GPATCH8: variants seen among roughly 807,000 people sequenced by gnomAD.
GPATCH8 encodes the protein G-patch domain containing 8.
A neutral mutation model predicts 118.3 loss-of-function variants in GPATCH8; 18 were observed. The ratio of observed to expected loss-of-function variants is 0.15; its 90% CI spans 0.11 to 0.23. GPATCH8 has a LOEUF of 0.23. GPATCH8 is among the 10% of genes least tolerant of loss of function. GPATCH8 has a pLI of 1.00. For missense variants in GPATCH8, 1,631 were observed against 1,873.8 expected (o/e 0.87, Z 2.39); for synonymous variants, 659 against 684.7 (o/e 0.96, Z 0.59).
intron 7 of GPATCH8, among the ~76,000 whole-genome samples, chr17:44,402,064 G>A (rs1462775822): frequency 2.0e-5 from 3 of 150,824 alleles, no homozygotes; most frequent in South Asian, 2.1e-4. Flanking sequence ...GCTCACGCCT[G>A]TAATCCCAGC....
chr17:44,435,990 T>C (rs946187875), intron 4 of GPATCH8, among the ~76,000 whole-genome samples: 21 of 136,252 alleles, frequency 1.5e-4, no homozygotes, highest in African/African-American at 4.8e-4. Flanking sequence ...GACTGCGCCA[T>C]TGCACTCTAG....
At position 44,448,554 on chromosome 17, in the gene GPATCH8, A is replaced by G. The variant is rs2050986857; in HGVS notation, c.194-12009T>C. On this transcript the variant is annotated intron_variant, in intron 3 of 7. Transcript: ENST00000591680. ...AAGAAGAAGGAAGAAGAAGAGGAAGAGGAAGAAGAAGAGGAAGAGGAAGAA... is the reference window on the plus strand; with the variant it reads ...AAGAAGAAGGAAGAAGAAGAGGAAGGGGAAGAAGAAGAGGAAGAGGAAGAA... 1.9e-5 allele frequency among the ~76,000 whole-genome samples: 2 copies of G among 103,896 alleles called. 1 individual carries two copies. The highest frequency in any genetic ancestry group is 1.9e-4 in the Admixed American group (2 of 10,300). The allele number at this position is 103,896 out of a possible 152,430, so 68.2% of individuals were successfully genotyped here.
rs774057588 is a variant in GPATCH8, at chr17:44,398,368, G to A, written c.3709C>T (p.Pro1237Ser). 2.5e-6 allele frequency: 4 copies of A among 1,613,926 alleles called. No homozygotes were observed. In the African/African-American group the frequency reaches 5.3e-5, roughly 22 times the overall value. ...GGGAGGTAGTTATGGGAGATGGTTG[G>A]GTCCCCAGGGTAGCAGTCAGAATGT... is the stretch of plus-strand genomic sequence containing the variant. Reference protein sequence around the residue: ...PAHSDCYPGDPTISHNYLPDP... With the variant: ...PAHSDCYPGDSTISHNYLPDP... Residue 1237 changes from proline (P) to serine (S), a missense_variant, in exon 8 of 8, where the codon CCA becomes TCA. This residue lies in a region of GPATCH8 where 922 missense variants were observed against 879.7 expected (regional missense o/e 1.05). Coordinates refer to ENST00000591680, the MANE Select transcript of GPATCH8 (RefSeq NM_001002909.4).
rs1481030339 is a variant in GPATCH8 at position 44,398,953 on chromosome 17, C to T, written c.3124G>A (p.Gly1042Ser). ...TTCTTCCCAGGACCTTCTCCCCGGC[C>T]TGATCGGAAATAGTGGGGGGACTGG... ...RSQSPHYFRS[G>S]RGEGPGKKDD... Residue 1042 changes from glycine (G) to serine (S), a missense_variant, in exon 8 of 8, where the codon GGC becomes AGC. Physicochemically the swap from Gly to Ser is moderately conservative, Grantham distance 56. This residue lies in a region of GPATCH8 where 922 missense variants were observed against 879.7 expected (regional missense o/e 1.05). Coordinates refer to ENST00000591680, the MANE Select transcript of GPATCH8 (RefSeq NM_001002909.4). 1 of 1,614,188 alleles carries T rather than the reference C, an allele frequency of 6.2e-7. No individual in the cohort carries two copies. Among genetic ancestry groups the T allele is most frequent in the Non-Finnish European group, 8.5e-7 (1 of 1,180,040 alleles).
intron 1 of GPATCH8, among the ~76,000 whole-genome samples, chr17:44,488,066 G>T (rs1968928782): frequency 1.3e-5 from 2 of 149,838 alleles, no homozygotes; most frequent in Admixed American, 6.7e-5. Flanking sequence ...GGGACTACAG[G>T]AGTGCGCCAC....
intron 5 of GPATCH8, among the ~76,000 whole-genome samples, chr17:44,425,463 T>G (rs1233160517): frequency 6.6e-6 from 1 of 152,220 alleles, no homozygotes; most frequent in Non-Finnish European, 1.5e-5. Flanking sequence ...AGTGAGTATG[T>G]GTAGCACATT....
intron 6 of GPATCH8, among the ~76,000 whole-genome samples, chr17:44,419,912 T>G (rs1211065161): frequency 6.6e-6 from 1 of 152,338 alleles, no homozygotes; most frequent in Middle Eastern, 3.4e-3. Context: ...TTTATAACAT[T>G]CTGTTTTGAG....
chr17:44,503,401 C>G lies in GPATCH8; in HGVS notation c.-31G>C, dbSNP rs1172191393. The stretch of plus-strand genomic sequence containing the variant: ...CGCCTTCACTCCTCTCAGGACGACG[C>G]TCTCCGGTTCGCTCCTTCCCTCCTG... On this transcript the variant is annotated 5_prime_UTR_variant, in exon 1 of 8. Transcript: ENST00000591680. The G allele has an allele frequency of 2.5e-6, 4 of 1,583,358 alleles. No homozygotes were observed. Among genetic ancestry groups the G allele is most frequent in the East Asian group, 2.3e-5 (1 of 43,670 alleles).
intron 3 of GPATCH8, among the ~76,000 whole-genome samples, chr17:44,440,536 G>C (rs566390025): frequency 1.3e-5 from 2 of 152,120 alleles, no homozygotes; most frequent in Non-Finnish European, 2.9e-5. Flanking sequence ...GCCTCCCAAA[G>C]CTCTGGGATT....
intron 3 of GPATCH8, among the ~76,000 whole-genome samples, chr17:44,458,090 A>G (rs79604210): frequency 1.4e-5 from 2 of 144,478 alleles, no homozygotes; most frequent in Admixed American, 1.4e-4. Flanking sequence ...CTCCATTTCA[A>G]AAAAAAAAAA....
intron 5 of GPATCH8, among the ~76,000 whole-genome samples, chr17:44,428,776 G>C (rs950209286): frequency 1.3e-5 from 2 of 152,016 alleles, no homozygotes; most frequent in Admixed American, 6.6e-5. Flanking sequence ...CGCACTTCTA[G>C]GTGACAGAGT....
chr17:44,464,718 AG>A (rs1379858114), intron 2 of GPATCH8, 174 bp from the exon 3 acceptor site: 1 of 618,118 alleles, frequency 1.6e-6, no homozygotes, highest in East Asian at 2.8e-5. Flanking sequence ...TAAAAAGAAA[AG>A]CTGGCTAGTA....
intron 5 of GPATCH8, among the ~76,000 whole-genome samples, chr17:44,426,288 T>C (rs1454458603): frequency 6.6e-6 from 1 of 152,194 alleles, no homozygotes; most frequent in Admixed American, 6.5e-5. Context: ...CAAAAAGTTC[T>C]GCCCAATTGC....
At chr17:44,448,952 T>A (rs2051009331) in intron 3 of GPATCH8, among the ~76,000 whole-genome samples, 1 of 152,176 alleles carries the variant, frequency 6.6e-6, no homozygotes, top group Non-Finnish European at 1.5e-5. Flanking sequence ...TCTATTTGCA[T>A]TAAAAAATGG....
In GPATCH8 at chr17:44,400,395, G is replaced by T; in HGVS notation, c.1682C>A (p.Ala561Glu). The T allele has an allele frequency of 2.5e-6, 4 of 1,613,666 alleles. No individual in the cohort carries two copies. Among genetic ancestry groups the T allele is most frequent in the Non-Finnish European group, 2.5e-6 (3 of 1,179,572 alleles). Residue 561 changes from alanine to glutamate, a missense_variant, in exon 8 of 8, where the codon GCA becomes GAA. Around this residue, in one of 8 missense-constraint regions of GPATCH8, gnomAD observed 405 missense variants for 462.7 expected, o/e 0.88. Transcript: ENST00000591680. The part of the protein sequence containing the change: ...WPSELLIFTK[A>E]EPSISYSCNP... Reference sequence around the variant, plus strand: ...ACAACTGTATGAAATGGAGGGTTCTGCCTTGGTGAAAATTAATAGTTCTGA... The same window carrying T: ...ACAACTGTATGAAATGGAGGGTTCTTCCTTGGTGAAAATTAATAGTTCTGA...
intron 1 of GPATCH8, among the ~76,000 whole-genome samples, chr17:44,497,318 A>G (rs1389195147): frequency 2.6e-5 from 4 of 152,230 alleles, no homozygotes; most frequent in African/African-American, 9.6e-5. Context: ...GGCCAGGTAC[A>G]GTGGCACATG....
chr17:44,463,983 T>C (rs1015482069), intron 3 of GPATCH8, among the ~76,000 whole-genome samples: 3 of 152,130 alleles, frequency 2.0e-5, no homozygotes, highest in Admixed American at 6.6e-5. Context: ...GAGGTTAATT[T>C]TTCTTCTCTA....
chr17:44,420,052 T>A (rs62081217), intron 6 of GPATCH8, among the ~76,000 whole-genome samples: 2 of 150,940 alleles, frequency 1.3e-5, no homozygotes, highest in Non-Finnish European at 2.9e-5. Context: ...TTTTTTTTTT[T>A]AATGCGTAAG....
chr17:44,422,485 T>C (rs1313383033), intron 6 of GPATCH8, among the ~76,000 whole-genome samples: 1 of 151,842 alleles, frequency 6.6e-6, no homozygotes, highest in African/African-American at 2.4e-5. Context: ...CCACCGTGCC[T>C]AGCCTAAAAT....
Sources: gnomAD v4.1 joint callset for allele counts (sites outside exome capture counted in the v4.1 genomes callset) on GRCh38, gnomAD v4.1.1 for gene constraint, gnomAD v4.1.1 regional missense constraint, MANE v1.5 for transcripts, NCBI Gene and HGNC (gene_info 2026-07-23, HGNC 2026-07-21) for gene names.